Variants in DPP10 observed in about 807,000 individuals in gnomAD.
DPP10 encodes the protein dipeptidyl peptidase like 10.
DPP10 carries 33 observed loss-of-function variants against 120.9 expected under a neutral mutation model. The ratio of observed to expected loss-of-function variants is 0.27; its 90% CI spans 0.21 to 0.37. The LOEUF is 0.37. DPP10 is among the 10% of genes least tolerant of loss of function. The pLI is 1.00. For synonymous variants in DPP10, 337 were observed against 326.1 expected, an observed-to-expected ratio of 1.03 and a Z score of -0.36; for missense variants, 816 against 942.8, an observed-to-expected ratio of 0.87 and a Z score of 1.76.
At chr2:115,483,465 A>G (rs1030745238) in intron 3 of DPP10, among the ~76,000 whole-genome samples, 4 of 90,762 alleles carry the variant, frequency 4.4e-5, no homozygotes, top group Admixed American at 1.4e-4. Flanking sequence ...CTATCTATCT[A>G]TCTATCTATC....
At chr2:115,661,945 T>TTGACTA (rs1352407577) in intron 5 of DPP10, among the ~76,000 whole-genome samples, 1 of 152,204 alleles carries the variant, frequency 6.6e-6, no homozygotes. Flanking sequence ...AGTCATAGTG[T>TTGACTA]TGTGCATTAG....
intron 1 of DPP10, among the ~76,000 whole-genome samples, chr2:114,926,603 A>T (rs767592862): frequency 6.6e-6 from 1 of 152,182 alleles, no homozygotes; most frequent in African/African-American, 2.4e-5. Flanking sequence ...CCCATACTAC[A>T]AAAGAGTGAT....
chr2:115,238,998 A>G (rs1164051883), intron 1 of DPP10, among the ~76,000 whole-genome samples: 1 of 152,124 alleles, frequency 6.6e-6, no homozygotes, highest in African/African-American at 2.4e-5. Flanking sequence ...AACACAGGAG[A>G]AAGATGTAGG....
At chr2:115,085,094 A>G (rs1231866390) in intron 1 of DPP10, among the ~76,000 whole-genome samples, 2 of 152,302 alleles carry the variant, frequency 1.3e-5, no homozygotes, top group Admixed American at 1.3e-4. Context: ...TCTCTTGTAG[A>G]AGAATTTGTA....
chr2:115,583,004 C>T (rs186041982), intron 5 of DPP10, among the ~76,000 whole-genome samples: 12 of 152,216 alleles, frequency 7.9e-5, no homozygotes, highest in East Asian at 1.9e-4. Flanking sequence ...GAGATGATTG[C>T]GTATTTTAAT....
At chr2:114,962,772 G>T (rs1698741934) in intron 1 of DPP10, among the ~76,000 whole-genome samples, 1 of 152,154 alleles carries the variant, frequency 6.6e-6, no homozygotes, top group African/African-American at 2.4e-5. Flanking sequence ...GTTGCAAAAT[G>T]ATTTGTTGGG....
chr2:115,664,737 A>G (rs2089304893), intron 5 of DPP10, among the ~76,000 whole-genome samples: 1 of 152,188 alleles, frequency 6.6e-6, no homozygotes, highest in African/African-American at 2.4e-5. Flanking sequence ...TGCAGGACCA[A>G]GGATGTCAAA....
intron 1 of DPP10, among the ~76,000 whole-genome samples, chr2:114,939,827 C>T (rs948787520): frequency 6.6e-6 from 1 of 152,148 alleles, no homozygotes; most frequent in African/African-American, 2.4e-5. Flanking sequence ...CTTTTATTTA[C>T]AGCTATGGCT....
rs145480271 is a variant in DPP10 at position 115,134,060 on chromosome 2, T to C, written c.61-175179T>C. Among the ~76,000 whole-genome samples, 28 of 152,326 alleles carry C rather than the reference T, an allele frequency of 1.8e-4. 3 individuals carry two copies. The highest frequency in any genetic ancestry group is 6.7e-4 in the African/African-American group (28 of 41,580). On this transcript the variant is annotated intron_variant, in intron 1 of 25. Transcript: ENST00000410059. The stretch of plus-strand genomic sequence containing the variant: ...ATCTAATAAAATGAGGATGTTATTA[T>C]CATTTGGTTTGTTTTTGAGAATATC...
chr2:114,494,294 T>G (rs1682301307), intron 1 of DPP10, among the ~76,000 whole-genome samples: 1 of 152,136 alleles, frequency 6.6e-6, no homozygotes, highest in South Asian at 2.1e-4. Context: ...CTCATAGTAT[T>G]TGTGGAAAGA....
intron 3 of DPP10, among the ~76,000 whole-genome samples, chr2:115,374,772 C>G (rs985473958): frequency 6.6e-6 from 1 of 152,190 alleles, no homozygotes; most frequent in Admixed American, 6.5e-5. Context: ...GGCTTGCACC[C>G]TCTGAACCAA....
At chr2:114,666,648 C>T (rs1697945856) in intron 1 of DPP10, among the ~76,000 whole-genome samples, 1 of 152,054 alleles carries the variant, frequency 6.6e-6, no homozygotes, top group Non-Finnish European at 1.5e-5. Flanking sequence ...GACATAGAAC[C>T]AGATAGGGCA....
At chr2:115,827,808 G>T (rs1018026588) in intron 21 of DPP10, among the ~76,000 whole-genome samples, 3 of 151,820 alleles carry the variant, frequency 2.0e-5, no homozygotes. Flanking sequence ...TTATGGCCAG[G>T]CTGGTCTCAA....
At chr2:115,599,320 G>A (rs2083179742) in intron 5 of DPP10, among the ~76,000 whole-genome samples, 1 of 151,876 alleles carries the variant, frequency 6.6e-6, no homozygotes, top group Non-Finnish European at 1.5e-5. Flanking sequence ...TAAAACTTTT[G>A]ACATTGTCTC....
At chr2:115,522,242 C>T (rs865792818) in intron 4 of DPP10, among the ~76,000 whole-genome samples, 1 of 152,160 alleles carries the variant, frequency 6.6e-6, no homozygotes, top group African/African-American at 2.4e-5. Flanking sequence ...GATTCTTACA[C>T]AGACAGCTTC....
chr2:115,806,405 A>G (rs921650308), intron 19 of DPP10, among the ~76,000 whole-genome samples: 3 of 152,192 alleles, frequency 2.0e-5, no homozygotes, highest in Non-Finnish European at 2.9e-5. Flanking sequence ...ACTTAGTACT[A>G]TAATCATTAT....
chr2:114,732,401 C>T (rs1039439930), intron 1 of DPP10, among the ~76,000 whole-genome samples: 4 of 152,276 alleles, frequency 2.6e-5, no homozygotes, highest in Admixed American at 2.6e-4. Flanking sequence ...AAACTCCAAA[C>T]ATTAGCAGAA....
chr2:115,620,399 C>A (rs1436310252), intron 5 of DPP10, among the ~76,000 whole-genome samples: 1 of 152,186 alleles, frequency 6.6e-6, no homozygotes, highest in East Asian at 1.9e-4. Flanking sequence ...ATTGGTATAA[C>A]ATTAGTTCAT....
chr2:115,099,169 C>G (rs891971620), intron 1 of DPP10, among the ~76,000 whole-genome samples: 1 of 151,186 alleles, frequency 6.6e-6, no homozygotes, highest in African/African-American at 2.4e-5. Context: ...AGAAAAATAG[C>G]TGGACGTGGT....
Sources: allele counts gnomAD v4.1 joint callset (sites outside exome capture counted in the v4.1 genomes callset), GRCh38; gene constraint gnomAD v4.1.1; transcripts MANE v1.5; gene names NCBI Gene and HGNC (gene_info 2026-07-23, HGNC 2026-07-21).